SLC45A1: variants seen among roughly 807,000 people sequenced by gnomAD.
SLC45A1 encodes the protein proton-associated sugar transporter A.
SLC45A1 carries 28 observed loss-of-function variants against 57.6 expected under a neutral mutation model. That is an observed-to-expected ratio of 0.49 (90% CI 0.36 to 0.67). The LOEUF is 0.67. Among genes scored for constraint, SLC45A1 ranks in the 30% least tolerant of loss-of-function variants. SLC45A1 has a pLI of 0.00. For synonymous variants in SLC45A1, 459 were observed against 471.5 expected, an observed-to-expected ratio of 0.97 and a Z score of 0.34; for missense variants, 814 against 1,041.5, an observed-to-expected ratio of 0.78 and a Z score of 3.01.
Position 8,324,684 on chromosome 1 carries a change from G to C in SLC45A1, c.355G>C (p.Asp119His). 1 of 1,594,762 alleles carries C rather than the reference G, an allele frequency of 6.3e-7. No individual in the cohort carries two copies. The highest frequency in any genetic ancestry group is 8.5e-7 in the Non-Finnish European group (1 of 1,170,816). The change falls in exon 2 of 9, where the codon GAC (aspartate) becomes CAC (histidine). Residue 119 changes from aspartate to histidine, a missense_variant. Asp to His is a moderately conservative substitution (Grantham distance 81). Coordinates refer to ENST00000471889, the MANE Select transcript of SLC45A1 (RefSeq NM_001080397.3). ...GGTGCTCCTGCAGATGGGCCTGCCCGACCAGCTCTACAGCCTGGTGTGGTT... is the reference window on the plus strand; with the variant it reads ...GGTGCTCCTGCAGATGGGCCTGCCCCACCAGCTCTACAGCCTGGTGTGGTT... ...TPVLLQMGLPDQLYSLVWFIS... is the reference protein window; with the variant it reads ...TPVLLQMGLPHQLYSLVWFIS...
chr1:8,335,640 C>G lies in SLC45A1; in HGVS notation c.1597+50C>G, dbSNP rs200281432. 3.9e-6 allele frequency: 6 copies of G among 1,520,704 alleles called. No individual in the cohort carries two copies. In the East Asian group the frequency reaches 1.4e-4, roughly 36 times the overall value. The allele number at this position is 1,520,704 out of a possible 1,614,324, so 94.2% of individuals were successfully genotyped here. A position where few individuals can be genotyped will look rare whatever the true frequency, so the allele number is the denominator to read the frequency against. ...GTGAGTCCTGGTCCTGCTCAGGGCT[C>G]TCGCCCCACTGGCCTCCCAGGATGC... On this transcript the variant is annotated intron_variant, in intron 6 of 8. Transcript: ENST00000471889. The surrounding 1 kb of genome is among the most constrained non-coding windows in gnomAD (Gnocchi z 4.1).
In SLC45A1 at chr1:8,330,442, C is replaced by T; in HGVS notation, c.949C>T (p.Leu317=). The change falls in exon 5 of 9, where the codon CTG becomes TTG. Residue 317 remains leucine, a synonymous_variant. Transcript: ENST00000471889. This position sits in a 1 kb window ranked among gnomAD's most constrained non-coding sequence, Gnocchi z 8.4. ...SLPLPPSPPV[L]PEEGPGDSLP... ...CCCGCTGCCCCCGTCCCCACCCGTCCTGCCAGAGGAAGGCCCTGGCGACAG... is the reference window on the plus strand; with the variant it reads ...CCCGCTGCCCCCGTCCCCACCCGTCTTGCCAGAGGAAGGCCCTGGCGACAG... 1 of 1,611,818 alleles carries T rather than the reference C, an allele frequency of 6.2e-7. No individual in the cohort carries two copies. Among genetic ancestry groups the T allele is most frequent in the South Asian group, 1.1e-5 (1 of 91,012 alleles).
intron 1 of SLC45A1, 119 bp downstream of exon 1, chr1:8,318,305 G>A (rs922274755): frequency 1.0e-5 from 4 of 397,636 alleles, no homozygotes; most frequent in African/African-American, 6.2e-5. Flanking sequence ...CCGGCACGGA[G>A]ACCTTTGTTC....
chr1:8,331,934 A>C (rs1467856812), intron 5 of SLC45A1, among the ~76,000 whole-genome samples: 1 of 151,974 alleles, frequency 6.6e-6, no homozygotes, highest in African/African-American at 2.4e-5. Context: ...CTGGGGCTAC[A>C]GGCGCCCGCC....
In SLC45A1 at chr1:8,329,278, C is replaced by T. The variant is rs555883024; in HGVS notation, c.716-931C>T. Among the ~76,000 whole-genome samples, 6 of 152,336 alleles carry T rather than the reference C, an allele frequency of 3.9e-5. No homozygotes were observed. The East Asian group carries it at 5.8e-4, about 15-fold the overall frequency. On this transcript the variant is annotated intron_variant, in intron 4 of 8. Coordinates refer to ENST00000471889, the MANE Select transcript of SLC45A1 (RefSeq NM_001080397.3). The stretch of plus-strand genomic sequence containing the variant: ...CAAGTCTTCCCTAAACCAAAAATCC[C>T]GTGCTGGTAGCAGGCAGGTTGCTCC...
At chr1:8,336,368 C>T (rs1384093753) in intron 6 of SLC45A1, among the ~76,000 whole-genome samples, 1 of 151,474 alleles carries the variant, frequency 6.6e-6, no homozygotes, top group East Asian at 1.9e-4. Flanking sequence ...TGAGACTGCA[C>T]CACTGCATTC....
intron 1 of SLC45A1, among the ~76,000 whole-genome samples, chr1:8,323,897 T>C (rs929922281): frequency 6.6e-6 from 1 of 152,152 alleles, no homozygotes; most frequent in Non-Finnish European, 1.5e-5. Context: ...TCTCTCTTCC[T>C]CTCTGGTCCC....
In SLC45A1 at chr1:8,335,623, TG is replaced by T; in HGVS notation, c.1597+35del. ...CCCGGCCAAGCCTCCCCGTGAGTCC[TG>T]GTCCTGCTCAGGGCTCTCGCCCCAC... On this transcript the variant is annotated intron_variant, in intron 6 of 8. Coordinates refer to ENST00000471889, the MANE Select transcript of SLC45A1 (RefSeq NM_001080397.3). The surrounding 1 kb of genome is among the most constrained non-coding windows in gnomAD (Gnocchi z 4.1). The T allele has an allele frequency of 1.3e-6, 2 of 1,570,934 alleles. No individual in the cohort carries two copies. Among genetic ancestry groups the T allele is most frequent in the Non-Finnish European group, 1.7e-6 (2 of 1,162,112 alleles).
rs746176948 is a variant in SLC45A1, at chr1:8,339,602, C to T, written c.1884C>T (p.Tyr628=). The part of the protein sequence containing the change: ...TGLATLSRNL[Y]VVLSLCITYG... ...TTGCCACCCTCTCCAGGAACCTCTA[C>T]GTGGTCCTGTCGCTCTGCATAACCT... The change falls in exon 8 of 9, where the codon TAC becomes TAT. Residue 628 remains tyrosine (Y), a synonymous_variant. Transcript: ENST00000471889. 47 of 1,614,118 alleles carry T rather than the reference C, an allele frequency of 2.9e-5. No homozygotes were observed. The highest frequency in any genetic ancestry group is 1.3e-4 in the East Asian group (6 of 44,904).
chr1:8,333,046 G>C (rs958510036), intron 5 of SLC45A1, among the ~76,000 whole-genome samples: 1 of 150,110 alleles, frequency 6.7e-6, no homozygotes, highest in Non-Finnish European at 1.5e-5. Context: ...GCAGACGCAC[G>C]TGGGCCGTGT....
chr1:8,344,068 C>G lies in SLC45A1; in HGVS notation c.*55C>G. On this transcript the variant is annotated 3_prime_UTR_variant, in exon 9 of 9. Coordinates refer to ENST00000471889, the MANE Select transcript of SLC45A1 (RefSeq NM_001080397.3). The stretch of plus-strand genomic sequence containing the variant: ...CCTGCACCTGGGGGTCTGGAGCAGG[C>G]CGACCAGTGAGGACCAAAGGGCCTT... 1 of 1,540,172 alleles carries G rather than the reference C, an allele frequency of 6.5e-7. No individual in the cohort carries two copies. Among genetic ancestry groups the G allele is most frequent in the Non-Finnish European group, 8.8e-7 (1 of 1,138,922 alleles).
chr1:8,323,135 A>G (rs1480782876), intron 1 of SLC45A1, among the ~76,000 whole-genome samples: 1 of 152,156 alleles, frequency 6.6e-6, no homozygotes, highest in South Asian at 2.1e-4. Flanking sequence ...AAGGATGTCT[A>G]TCTGGGAAGG....
chr1:8,343,678 C>T lies in SLC45A1; in HGVS notation c.1981-69C>T. ...GCTCGGGCCTCCTGGGCTCGCAGGA[C>T]ACACCGAGCTCGGTCACCCCGTGCT... is the stretch of plus-strand genomic sequence containing the variant. On this transcript the variant is annotated intron_variant, in intron 8 of 8. Transcript: ENST00000471889. The surrounding 1 kb of genome is among the most constrained non-coding windows in gnomAD (Gnocchi z 7.7). The T allele has an allele frequency of 6.5e-7, 1 of 1,540,912 alleles. No individual in the cohort carries two copies. Among genetic ancestry groups the T allele is most frequent in the Non-Finnish European group, 8.8e-7 (1 of 1,139,108 alleles).
At position 8,343,708 on chromosome 1, in the gene SLC45A1, G is replaced by A. The variant is rs202002504; in HGVS notation, c.1981-39G>A. On this transcript the variant is annotated intron_variant, in intron 8 of 8. Transcript: ENST00000471889. This position sits in a 1 kb window ranked among gnomAD's most constrained non-coding sequence, Gnocchi z 7.7. ...CGAGCTCGGTCACCCCGTGCTGGCC[G>A]CGGCGTGTCTCGCTGACACGTTTCT... 60 of 1,581,162 alleles carry A rather than the reference G, an allele frequency of 3.8e-5. 1 individual carries two copies. The highest frequency in any genetic ancestry group is 2.4e-4 in the African/African-American group (18 of 74,500).
intron 5 of SLC45A1, among the ~76,000 whole-genome samples, chr1:8,332,386 T>G (rs11585385): frequency 0.22 from 33,885 of 152,176 alleles, 4,154 homozygotes; most frequent in Middle Eastern, 0.43. Context: ...GGCAGCGCCA[T>G]CTTCCACGAA....
In SLC45A1 at chr1:8,343,360, G is replaced by T. The variant is rs2124333792; in HGVS notation, c.1981-387G>T. On this transcript the variant is annotated intron_variant, in intron 8 of 8. Coordinates refer to ENST00000471889, the MANE Select transcript of SLC45A1 (RefSeq NM_001080397.3). The surrounding 1 kb of genome is among the most constrained non-coding windows in gnomAD (Gnocchi z 7.7). ...CTGTCATGTGCAGAGGACTTTGGGG[G>T]TGTAGGGCAGGTCCCATCCTGGATG... Among the ~76,000 whole-genome samples the T allele has an allele frequency of 6.6e-6, 1 of 152,328 alleles. No individual in the cohort carries two copies.
Position 8,343,616 on chromosome 1 carries a change from T to C in SLC45A1, c.1981-131T>C, listed in dbSNP as rs1393901660. ...CTCTTGGCTGAACTCCCTGTGCATG[T>C]TGGCGCTGAAAAATGTGAGGCCGCT... On this transcript the variant is annotated intron_variant, in intron 8 of 8. Coordinates refer to ENST00000471889, the MANE Select transcript of SLC45A1 (RefSeq NM_001080397.3). The surrounding 1 kb of genome is among the most constrained non-coding windows in gnomAD (Gnocchi z 7.7). 6.7e-6 allele frequency: 6 copies of C among 892,338 alleles called. No individual in the cohort carries two copies. Among genetic ancestry groups the C allele is most frequent in the Non-Finnish European group, 1.0e-5 (6 of 584,102 alleles). The allele number at this position is 892,338 out of a possible 1,614,324, so 55.3% of individuals were successfully genotyped here.
In SLC45A1 at chr1:8,335,611, C is replaced by A; in HGVS notation, c.1597+21C>A. Reference sequence around the variant, plus strand: ...CCTGGGTGAGCTCCCGGCCAAGCCTCCCCGTGAGTCCTGGTCCTGCTCAGG... The same window carrying A: ...CCTGGGTGAGCTCCCGGCCAAGCCTACCCGTGAGTCCTGGTCCTGCTCAGG... On this transcript the variant is annotated intron_variant, in intron 6 of 8. Coordinates refer to ENST00000471889, the MANE Select transcript of SLC45A1 (RefSeq NM_001080397.3). The surrounding 1 kb of genome is among the most constrained non-coding windows in gnomAD (Gnocchi z 4.1). 1 of 1,584,220 alleles carries A rather than the reference C, an allele frequency of 6.3e-7. No homozygotes were observed. The highest frequency in any genetic ancestry group is 8.6e-7 in the Non-Finnish European group (1 of 1,168,486).
At position 8,330,755 on chromosome 1, in the gene SLC45A1, G is replaced by A. The variant is rs200437676; in HGVS notation, c.1262G>A (p.Gly421Asp). 5 of 1,613,428 alleles carry A rather than the reference G, an allele frequency of 3.1e-6. No homozygotes were observed. The highest frequency in any genetic ancestry group is 1.1e-5 in the South Asian group (1 of 91,088). Residue 421 changes from glycine to aspartate, a missense_variant, in exon 5 of 9, where the codon GGC becomes GAC. Physicochemically the swap from Gly to Asp is moderately conservative, Grantham distance 94. Transcript: ENST00000471889. This position sits in a 1 kb window ranked among gnomAD's most constrained non-coding sequence, Gnocchi z 8.4. ...CGCCAGGACCGTGGACTTCTGGAGG[G>A]CAGAGAGGGTGCCCTGACCTCCGGC... ...FYRQDRGLLEGREGALTSGCD... is the reference protein window; with the variant it reads ...FYRQDRGLLEDREGALTSGCD...
Sources: gnomAD v4.1 joint callset for allele counts (sites outside exome capture counted in the v4.1 genomes callset) on GRCh38, gnomAD v4.1.1 for gene constraint, Gnocchi (gnomAD v3.1) non-coding constraint, MANE v1.5 for transcripts, NCBI Gene and HGNC (gene_info 2026-07-23, HGNC 2026-07-21) for gene names.